The following PBDC1 variants were observed in gnomAD, a reference collection of about 807,000 sequenced individuals.
PBDC1 encodes the protein polysaccharide biosynthesis domain containing 1.
A neutral mutation model predicts 12.0 loss-of-function variants in PBDC1; 3 were observed. The observed-to-expected ratio is 0.25, with a 90% CI of 0.11 to 0.64. PBDC1 has a LOEUF of 0.64. Among genes scored for constraint, PBDC1 ranks in the 30% least tolerant of loss-of-function variants. The pLI is 0.84. For missense variants in PBDC1, 162 were observed against 168.1 expected, an observed-to-expected ratio of 0.96 and a Z score of 0.20; for synonymous variants, 64 against 56.4, an observed-to-expected ratio of 1.13 and a Z score of -0.60.
In PBDC1 at chrX:76,177,927, C is replaced by A; in HGVS notation, c.*19C>A. 8.3e-7 allele frequency: 1 copy of A among 1,205,632 alleles called. No homozygotes were observed. Among genetic ancestry groups the A allele is most frequent in the Non-Finnish European group, 1.1e-6 (1 of 892,401 alleles). ...TATGTAAGGTATACAGGGAACAGCA[C>A]TCTAGAAGCTATGACTCAATTGAGA... On this transcript the variant is annotated 3_prime_UTR_variant, in exon 6 of 6. Transcript: ENST00000373358.
In PBDC1 at chrX:76,177,864, G is replaced by C; in HGVS notation, c.658G>C (p.Glu220Gln). 8.3e-7 allele frequency: 1 copy of C among 1,210,887 alleles called. No individual in the cohort carries two copies. Among genetic ancestry groups the C allele is most frequent in the Non-Finnish European group, 1.1e-6 (1 of 895,133 alleles). Residue 220 changes from glutamate to glutamine, a missense_variant, in exon 6 of 6, where the codon GAA (glutamate) becomes CAA (glutamine). By Grantham distance (29) the Glu-to-Gln change is conservative. Coordinates refer to ENST00000373358, the MANE Select transcript of PBDC1 (RefSeq NM_016500.5). ...TGACAAAGGAGGAGAAAAAGGGAAA[G>C]AAGCTGACAAAGAAATCAACAAAAG... is the stretch of plus-strand genomic sequence containing the variant. ...KTDKGGEKGK[E>Q]ADKEINKSGE...
At position 76,178,281 on chromosome X, in the gene PBDC1, T is replaced by C. The variant is rs781924974; in HGVS notation, c.*373T>C. On this transcript the variant is annotated 3_prime_UTR_variant, in exon 6 of 6. Coordinates refer to ENST00000373358, the MANE Select transcript of PBDC1 (RefSeq NM_016500.5). ...TATGTAATCTCATCACCATGTCTTA[T>C]ATAAGATAATTTACTCCTGTTTCTT... is the stretch of plus-strand genomic sequence containing the variant. 1.2e-4 allele frequency: 27 copies of C among 233,307 alleles called. No homozygotes were observed. In the East Asian group the frequency reaches 1.3e-3, roughly 11 times the overall value. The allele number at this position is 233,307 out of a possible 1,213,427, so 19.2% of individuals were successfully genotyped here. A position where few individuals can be genotyped will look rare whatever the true frequency, so the allele number is the denominator to read the frequency against.
intron 2 of PBDC1, among the ~76,000 whole-genome samples, chrX:76,173,861 A>G (rs1356392088): frequency 1.8e-5 from 2 of 111,896 alleles, no homozygotes; most frequent in Non-Finnish European, 3.8e-5. Context: ...CAAGTTGGCC[A>G]CGCTTTAGAA....
chrX:76,176,350 T>TGGTAGAGA (rs1253801111), intron 4 of PBDC1, among the ~76,000 whole-genome samples: 43 of 110,892 alleles, frequency 3.9e-4, no homozygotes, highest in African/African-American at 1.4e-3. Flanking sequence ...AGACAGGGTT[T>TGGTAGAGA]CACCATGTTG....
Position 76,173,310 on chromosome X carries a change from T to G in PBDC1, c.30+142T>G. 7.2e-6 allele frequency: 4 copies of G among 557,696 alleles called. 1 individual carries two copies. Among genetic ancestry groups the G allele is most frequent in the Non-Finnish European group, 1.1e-5 (4 of 354,837 alleles). The allele number at this position is 557,696 out of a possible 1,213,427, so 46.0% of individuals were successfully genotyped here. ...ATCACCGCTTACTGCAGCCTCGACC[T>G]CCAGCGCTCAGATCTTCCGCCCACC... On this transcript the variant is annotated intron_variant, in intron 1 of 5. Transcript: ENST00000373358.
rs1924838715 is a variant in PBDC1, at chrX:76,178,137, T to C, written c.*229T>C. 4.3e-6 allele frequency: 2 copies of C among 464,822 alleles called. No individual in the cohort carries two copies. The highest frequency in any genetic ancestry group is 8.0e-5 in the East Asian group (2 of 24,858). The allele number at this position is 464,822 out of a possible 1,213,427, so 38.3% of individuals were successfully genotyped here. On this transcript the variant is annotated 3_prime_UTR_variant, in exon 6 of 6. Transcript: ENST00000373358. ...TTAGTTGATTTTTCCTGGTATACTGTTTCTTGGCTGACACTACTGGTCAAG... is the reference window on the plus strand; with the variant it reads ...TTAGTTGATTTTTCCTGGTATACTGCTTCTTGGCTGACACTACTGGTCAAG...
Position 76,177,751 on chromosome X carries a change from G to T in PBDC1, c.545G>T (p.Gly182Val). Residue 182 changes from glycine (G) to valine (V), a missense_variant, in exon 6 of 6, where the codon GGA becomes GTA. Physicochemically the swap from Gly to Val is moderately radical, Grantham distance 109. Around this residue, in one of 3 missense-constraint regions of PBDC1, gnomAD observed 100 missense variants for 96.2 expected, o/e 1.04. Coordinates refer to ENST00000373358, the MANE Select transcript of PBDC1 (RefSeq NM_016500.5). ...NNGGEKRADS[G>V]EEENTKNGGE... ...GGAGGAGAAAAAAGAGCTGACAGTG[G>T]AGAAGAAGAGAACACCAAGAATGGA... The T allele has an allele frequency of 8.3e-7, 1 of 1,208,509 alleles. No homozygotes were observed. The highest frequency in any genetic ancestry group is 1.1e-6 in the Non-Finnish European group (1 of 894,235).
In PBDC1 at chrX:76,173,243, C is replaced by A. The variant is rs1924703054; in HGVS notation, c.30+75C>A. On this transcript the variant is annotated intron_variant, in intron 1 of 5. Coordinates refer to ENST00000373358, the MANE Select transcript of PBDC1 (RefSeq NM_016500.5). ...AGCCTTTTTTTTTTCTTTTTTGAGA[C>A]AAGGTGTCACTCAGTCGCCCAGGCT... is the stretch of plus-strand genomic sequence containing the variant. The A allele has an allele frequency of 1.7e-5, 16 of 935,191 alleles. 1 individual carries two copies. The highest frequency in any genetic ancestry group is 8.1e-5 in the African/African-American group (4 of 49,495). The allele number at this position is 935,191 out of a possible 1,213,427, so 77.1% of individuals were successfully genotyped here.
intron 2 of PBDC1, among the ~76,000 whole-genome samples, chrX:76,174,098 G>A (rs1220241299): frequency 1.8e-5 from 2 of 112,136 alleles, no homozygotes; most frequent in Non-Finnish European, 3.8e-5. Context: ...ACCCAAATAA[G>A]AGTGTGATAC....
In PBDC1 at chrX:76,177,899, A is replaced by T; in HGVS notation, c.693A>T (p.Lys231Asn). Residue 231 changes from lysine (K) to asparagine (N), a missense_variant, in exon 6 of 6, where the codon AAA (lysine) becomes AAT (asparagine). Around this residue, in one of 3 missense-constraint regions of PBDC1, gnomAD observed 100 missense variants for 96.2 expected, o/e 1.04. Coordinates refer to ENST00000373358, the MANE Select transcript of PBDC1 (RefSeq NM_016500.5). ...ADKEINKSGE[K>N]AM Reference sequence around the variant, plus strand: ...AAGAAATCAACAAAAGTGGTGAAAAAGCTATGTAAGGTATACAGGGAACAG... The same window carrying T: ...AAGAAATCAACAAAAGTGGTGAAAATGCTATGTAAGGTATACAGGGAACAG... 8.3e-7 allele frequency: 1 copy of T among 1,211,077 alleles called. No homozygotes were observed.
rs782571223 is a variant in PBDC1 at position 76,177,947 on chromosome X, T to C, written c.*39T>C. The stretch of plus-strand genomic sequence containing the variant: ...CAGCACTCTAGAAGCTATGACTCAA[T>C]TGAGACTACAAGTACCACGGTGCTA... On this transcript the variant is annotated 3_prime_UTR_variant, in exon 6 of 6. Coordinates refer to ENST00000373358, the MANE Select transcript of PBDC1 (RefSeq NM_016500.5). 4.2e-6 allele frequency: 5 copies of C among 1,200,034 alleles called. No homozygotes were observed. Among genetic ancestry groups the C allele is most frequent in the Middle Eastern group, 2.3e-4 (1 of 4,291 alleles).
chrX:76,178,272 C>T lies in PBDC1; in HGVS notation c.*364C>T. ...TTTTTCAAATATGTAATCTCATCAC[C>T]ATGTCTTATATAAGATAATTTACTC... is the stretch of plus-strand genomic sequence containing the variant. On this transcript the variant is annotated 3_prime_UTR_variant, in exon 6 of 6. Coordinates refer to ENST00000373358, the MANE Select transcript of PBDC1 (RefSeq NM_016500.5). The T allele has an allele frequency of 4.0e-6, 1 of 252,873 alleles. No homozygotes were observed. The allele number at this position is 252,873 out of a possible 1,213,427, so 20.8% of individuals were successfully genotyped here.
intron 5 of PBDC1, among the ~76,000 whole-genome samples, 172 bp from the exon 6 acceptor site, chrX:76,177,443 CA>C (rs1184665767): frequency 9.0e-6 from 1 of 110,826 alleles, no homozygotes; most frequent in African/African-American, 3.3e-5. Context: ...TCCAGCTATT[CA>C]GGAGATTGAG....
chrX:76,173,779 A>T, intron 2 of PBDC1, 129 bp downstream of exon 2: 1 of 350,695 alleles, frequency 2.9e-6, no homozygotes, highest in East Asian at 4.7e-5. Flanking sequence ...TACACCAGAA[A>T]CTGCACCTTC....
In PBDC1 at chrX:76,178,005, C is replaced by A. The variant is rs782257187; in HGVS notation, c.*97C>A. Reference sequence around the variant, plus strand: ...AGACCCCTTTGGTTAAATGTAAATTCTTGTACAATTGAAGGATACGCAGAA... The same window carrying A: ...AGACCCCTTTGGTTAAATGTAAATTATTGTACAATTGAAGGATACGCAGAA... On this transcript the variant is annotated 3_prime_UTR_variant, in exon 6 of 6. Transcript: ENST00000373358. 2 of 1,168,812 alleles carry A rather than the reference C, an allele frequency of 1.7e-6. No individual in the cohort carries two copies. The highest frequency in any genetic ancestry group is 4.0e-5 in the South Asian group (2 of 50,170).
intron 2 of PBDC1, among the ~76,000 whole-genome samples, 154 bp downstream of exon 2, chrX:76,173,804 A>G (rs782500583): frequency 1.2e-4 from 13 of 111,776 alleles, no homozygotes; most frequent in Non-Finnish European, 2.3e-4. Context: ...AGTTCGTTTT[A>G]ATCTTGGTCC....
At chrX:76,176,137 T>C (rs1924784569) in intron 4 of PBDC1, among the ~76,000 whole-genome samples, 1 of 93,784 alleles carries the variant, frequency 1.1e-5, no homozygotes, top group African/African-American at 3.9e-5. Context: ...TTTGTTTGTT[T>C]TGTTTTGTTT....
rs192328393 is a variant in PBDC1 at position 76,174,535 on chromosome X, C to G, written c.97-355C>G. 3.8e-4 allele frequency among the ~76,000 whole-genome samples: 43 copies of G among 111,980 alleles called. No homozygotes were observed. In the East Asian group the frequency reaches 0.011, roughly 29 times the overall value. ...TTTTCATTTTGATTCTTTGTTCTCC[C>G]AACAACTCAGTGGAATTGATGGGTA... On this transcript the variant is annotated intron_variant, in intron 2 of 5. Transcript: ENST00000373358.
Position 76,177,842 on chromosome X carries a change from CAAAG to C in PBDC1, c.637_640del (p.Lys213GlufsTer57), listed in dbSNP as rs782435664. ...GAATCAACAGAGAAGACAAAACTGA[CAAAG>C]GAGGAGAAAAAGGGAAAGAAGCTGA... On this transcript the variant is annotated frameshift_variant, in exon 6 of 6. Coordinates refer to ENST00000373358, the MANE Select transcript of PBDC1 (RefSeq NM_016500.5). LOFTEE classifies it low-confidence loss of function (END_TRUNC). 8.3e-7 allele frequency: 1 copy of C among 1,207,390 alleles called. No individual in the cohort carries two copies. The highest frequency in any genetic ancestry group is 1.1e-6 in the Non-Finnish European group (1 of 893,738).
Sources: gnomAD v4.1 joint callset for allele counts (sites outside exome capture counted in the v4.1 genomes callset) on GRCh38, gnomAD v4.1.1 for gene constraint, gnomAD v4.1.1 regional missense constraint, MANE v1.5 for transcripts, NCBI Gene and HGNC (gene_info 2026-07-23, HGNC 2026-07-21) for gene names.